Variants in TANC1 observed in about 807,000 individuals in gnomAD.
TANC1 encodes the protein protein TANC1.
A neutral mutation model predicts 149.7 loss-of-function variants in TANC1; 77 were observed. The observed-to-expected ratio is 0.51, with a 90% CI of 0.43 to 0.62. TANC1 has a LOEUF of 0.62. Ranked by LOEUF, TANC1 falls within the 20% of genes least tolerant of loss-of-function variation. The pLI, the probability that TANC1 is intolerant of heterozygous loss-of-function variation, is 0.00. For missense variants in TANC1, 1,985 were observed against 2,321.8 expected (o/e 0.85, Z 2.98); for synonymous variants, 854 against 925.0 (o/e 0.92, Z 1.39).
At chr2:159,151,439 C>T (rs1003677722) in intron 7 of TANC1, among the ~76,000 whole-genome samples, 6 of 152,214 alleles carry the variant, frequency 3.9e-5, no homozygotes, top group African/African-American at 1.4e-4. Context: ...TGCAGTTTCA[C>T]GCAGAGCTCT....
At chr2:159,217,421 G>A (rs147753119) in intron 19 of TANC1, 76 bp from the exon 20 acceptor site, 1 of 1,583,044 alleles carries the variant, frequency 6.3e-7, no homozygotes, top group African/African-American at 1.3e-5. Context: ...CTGGGGGAGA[G>A]AACTGTTAAA....
intron 1 of TANC1, among the ~76,000 whole-genome samples, chr2:158,974,177 A>G (rs2033311941): frequency 6.6e-6 from 1 of 152,170 alleles, no homozygotes; most frequent in Non-Finnish European, 1.5e-5. Flanking sequence ...GTGGCTTAAC[A>G]ACAACTGTTT....
chr2:159,011,524 TAAA>T (rs1298071579), intron 2 of TANC1, among the ~76,000 whole-genome samples: 1 of 142,140 alleles, frequency 7.0e-6, no homozygotes, highest in Non-Finnish European at 1.5e-5. Context: ...AATTACACCT[TAAA>T]TTTTTTTTTT....
intron 5 of TANC1, among the ~76,000 whole-genome samples, chr2:159,138,151 C>G (rs1425235114): frequency 1.3e-5 from 2 of 152,044 alleles, no homozygotes; most frequent in Non-Finnish European, 2.9e-5. Flanking sequence ...CTTTCTGATT[C>G]GGCATCTTTA....
At chr2:159,150,140 G>T in intron 6 of TANC1, 1 of 423,066 alleles carries the variant, frequency 2.4e-6, no homozygotes, top group Non-Finnish European at 4.2e-6. Flanking sequence ...AATCACAAAG[G>T]AGGGGAACCG....
chr2:159,125,589 T>TC (rs1559306129), intron 4 of TANC1, among the ~76,000 whole-genome samples: 6 of 28,600 alleles, frequency 2.1e-4, no homozygotes, highest in Non-Finnish European at 5.6e-4. Context: ...CTCCCTCCCT[T>TC]CCTTCCTTCC....
At chr2:159,076,413 G>A (rs1283097422) in intron 3 of TANC1, among the ~76,000 whole-genome samples, 1 of 152,132 alleles carries the variant, frequency 6.6e-6, no homozygotes, top group Non-Finnish European at 1.5e-5. Flanking sequence ...AAGCATAAAA[G>A]CAACCCCATT....
intron 2 of TANC1, among the ~76,000 whole-genome samples, chr2:159,053,837 G>C (rs540504948): frequency 8.5e-5 from 13 of 152,186 alleles, no homozygotes; most frequent in Non-Finnish European, 1.6e-4. Context: ...TTCTCCCCCT[G>C]TGGGCTAATG....
At position 159,219,827 on chromosome 2, in the gene TANC1, CA is replaced by C; in HGVS notation, c.3639del (p.Leu1215TrpfsTer22). The C allele has an allele frequency of 6.2e-7, 1 of 1,613,716 alleles. No homozygotes were observed. The highest frequency in any genetic ancestry group is 8.5e-7 in the Non-Finnish European group (1 of 1,180,042). On this transcript the variant is annotated frameshift_variant, in exon 22 of 27. Transcript: ENST00000263635. LOFTEE classifies it high-confidence loss of function. ...GACCAGACAGACAAGAATGGCCGCA[CA>C]CCCTTGGACCTGGCTGCCTTCTATG... ...AIDQTDKNGRTPLDLAAFYGD... is the reference protein window; with the variant it reads ...AIDQTDKNGRXPLDLAAFYGD...
At chr2:159,041,333 G>A (rs533652525) in intron 2 of TANC1, among the ~76,000 whole-genome samples, 18 of 152,310 alleles carry the variant, frequency 1.2e-4, no homozygotes, top group African/African-American at 4.1e-4. Flanking sequence ...AGACAGGGAC[G>A]TTTAAGTCTG....
At chr2:159,090,152 A>T (rs538587699) in intron 3 of TANC1, among the ~76,000 whole-genome samples, 6 of 152,344 alleles carry the variant, frequency 3.9e-5, no homozygotes, top group African/African-American at 1.2e-4. Context: ...ATCCTTCTCG[A>T]GACCCTCCAT....
At chr2:158,982,205 G>C (rs2034465381) in intron 1 of TANC1, among the ~76,000 whole-genome samples, 1 of 152,112 alleles carries the variant, frequency 6.6e-6, no homozygotes, top group African/African-American at 2.4e-5. Flanking sequence ...TTAACCAGCA[G>C]GGACACTGTT....
At position 159,176,534 on chromosome 2, in the gene TANC1, C is replaced by T; in HGVS notation, c.1902+16C>T. 6.4e-7 allele frequency: 1 copy of T among 1,574,660 alleles called. No individual in the cohort carries two copies. The highest frequency in any genetic ancestry group is 1.4e-5 in the African/African-American group (1 of 73,232). ...AAATTTTCAGGTAACAAAGAATTCT[C>T]AAATCTTTCTCCAAGTCCCCATTCC... On this transcript the variant is annotated intron_variant, in intron 13 of 26. Coordinates refer to ENST00000263635, the MANE Select transcript of TANC1 (RefSeq NM_033394.3).
At chr2:159,006,107 C>A (rs1282094091) in intron 2 of TANC1, among the ~76,000 whole-genome samples, 2 of 151,914 alleles carry the variant, frequency 1.3e-5, no homozygotes, top group African/African-American at 4.8e-5. Flanking sequence ...CTGGCCCTGG[C>A]TAACATGGTA....
chr2:159,018,597 C>CT (rs945237391), intron 2 of TANC1, among the ~76,000 whole-genome samples: 3 of 152,164 alleles, frequency 2.0e-5, no homozygotes, highest in African/African-American at 7.2e-5. Context: ...ATCTCCAGAA[C>CT]TTTTTTATCA....
Position 159,217,770 on chromosome 2 carries a change from T to G in TANC1, c.3378+140T>G. On this transcript the variant is annotated intron_variant, in intron 20 of 26. Transcript: ENST00000263635. ...TCGGCTTCTGCTGTGCCATCAGGAC[T>G]GCTTGATAGAGCCACGTTTGACAAG... 2.7e-6 allele frequency: 3 copies of G among 1,125,960 alleles called. No individual in the cohort carries two copies. In the South Asian group the frequency reaches 4.8e-5, roughly 18 times the overall value. 69.7% of individuals were successfully genotyped at this position (1,125,960 alleles called of 1,614,324 possible). A position where few individuals can be genotyped will look rare whatever the true frequency, so the allele number is the denominator to read the frequency against.
chr2:159,187,096 TG>T lies in TANC1; in HGVS notation c.2742+73del. The T allele has an allele frequency of 1.9e-6, 3 of 1,565,072 alleles. No individual in the cohort carries two copies. In the South Asian group the frequency reaches 3.5e-5, roughly 18 times the overall value. On this transcript the variant is annotated intron_variant, in intron 16 of 26. Coordinates refer to ENST00000263635, the MANE Select transcript of TANC1 (RefSeq NM_033394.3). Reference sequence around the variant, plus strand: ...CTGCTGGCCGTTCCTCCAACAGCCCTGTTTCCCTCTGCCCTGGGTGGTGGTG... The same window carrying T: ...CTGCTGGCCGTTCCTCCAACAGCCCTTTTCCCTCTGCCCTGGGTGGTGGTG...
At chr2:159,167,309 G>C (rs1460998887) in intron 8 of TANC1, among the ~76,000 whole-genome samples, 1 of 152,170 alleles carries the variant, frequency 6.6e-6, no homozygotes, top group Non-Finnish European at 1.5e-5. Context: ...TGAGGAGAAG[G>C]GTCTCAGTGC....
intron 19 of TANC1, among the ~76,000 whole-genome samples, chr2:159,203,427 C>T (rs1269175792): frequency 6.6e-6 from 1 of 151,918 alleles, no homozygotes; most frequent in African/African-American, 2.4e-5. Flanking sequence ...GGATGGTCTC[C>T]ATCTCCTGAC....
Sources: allele counts gnomAD v4.1 joint callset (sites outside exome capture counted in the v4.1 genomes callset), GRCh38; gene constraint gnomAD v4.1.1; transcripts MANE v1.5; gene names NCBI Gene and HGNC (gene_info 2026-07-23, HGNC 2026-07-21).